The following THSD7B variants were observed in gnomAD, a reference collection of about 807,000 sequenced individuals.
THSD7B encodes the protein thrombospondin type 1 domain containing 7B.
A neutral mutation model predicts 213.6 loss-of-function variants in THSD7B; 138 were observed. The ratio of observed to expected loss-of-function variants is 0.65; its 90% CI spans 0.56 to 0.74. THSD7B has a LOEUF of 0.74. Ranked by LOEUF, THSD7B falls within the 30% of genes least tolerant of loss-of-function variation. The pLI is 0.00. For missense variants in THSD7B, 1,931 were observed against 1,991.5 expected, an observed-to-expected ratio of 0.97 and a Z score of 0.58; for synonymous variants, 742 against 687.0, an observed-to-expected ratio of 1.08 and a Z score of -1.25.
chr2:137,030,600 C>G (rs959613176), intron 2 of THSD7B, among the ~76,000 whole-genome samples: 1 of 152,130 alleles, frequency 6.6e-6, no homozygotes, highest in South Asian at 2.1e-4. Context: ...GGCTGTAGTT[C>G]TTACAAAATG....
In THSD7B at chr2:136,939,172, C is replaced by T. The variant is rs112794246; in HGVS notation, c.139+56855C>T. On this transcript the variant is annotated intron_variant, in intron 2 of 27. Transcript: ENST00000409968. ...GCAGCACTTGCCTGGTTTCTGCATT[C>T]CTGTAGCTGGCCTTGACTTGCTTCA... Among the ~76,000 whole-genome samples the T allele has an allele frequency of 9.9e-4, 150 of 152,160 alleles. 1 individual carries two copies. The Middle Eastern group carries it at 0.014, about 14-fold the overall frequency.
chr2:136,952,464 G>C (rs1323332522), intron 2 of THSD7B, among the ~76,000 whole-genome samples: 1 of 136,884 alleles, frequency 7.3e-6, no homozygotes, highest in Non-Finnish European at 1.5e-5. Context: ...GTGGGTGTAA[G>C]TTAGTGAATC....
chr2:137,235,001 G>A (rs2375457), intron 9 of THSD7B, among the ~76,000 whole-genome samples: 143,710 of 152,216 alleles, frequency 0.94, 67,921 homozygotes, highest in Middle Eastern at 0.98. Context: ...TAGCCATAGC[G>A]GCACATGGAT....
At chr2:137,329,440 A>G (rs1684443697) in intron 12 of THSD7B, among the ~76,000 whole-genome samples, 1 of 152,160 alleles carries the variant, frequency 6.6e-6, no homozygotes, top group Admixed American at 6.5e-5. Context: ...ATCTCAGCTC[A>G]CTGCAACCCC....
intron 14 of THSD7B, among the ~76,000 whole-genome samples, chr2:137,450,623 T>C (rs1687629869): frequency 6.6e-6 from 1 of 152,194 alleles, no homozygotes; most frequent in Non-Finnish European, 1.5e-5. Flanking sequence ...TCCTGTTCCT[T>C]TCATCCCAAA....
Position 136,807,509 on chromosome 2 carries a change from G to GTTTTCTTC in THSD7B, c.-36+41826_-36+41827insCTTCTTTT, listed in dbSNP as rs1553449765. Among the ~76,000 whole-genome samples, 9 of 104,888 alleles carry GTTTTCTTC rather than the reference G, an allele frequency of 8.6e-5. 1 individual carries two copies. The highest frequency in any genetic ancestry group is 3.3e-4 in the South Asian group (1 of 2,998). The allele number at this position is 104,888 out of a possible 152,430, so 68.8% of individuals were successfully genotyped here. On this transcript the variant is annotated intron_variant, in intron 1 of 27. Coordinates refer to ENST00000409968, the MANE Select transcript of THSD7B (RefSeq NM_001316349.2). The stretch of plus-strand genomic sequence containing the variant: ...ACTTCCTAGCACTACAAAATGTTTC[G>GTTTTCTTC]TTTTTTTTTTTTTTTTGAGACGGAG...
At chr2:137,654,602 G>A (rs1683201294) in intron 21 of THSD7B, among the ~76,000 whole-genome samples, 3 of 152,064 alleles carry the variant, frequency 2.0e-5, no homozygotes, top group African/African-American at 4.8e-5. Flanking sequence ...GGGCAGATTC[G>A]GGGGAGGGCT....
chr2:137,547,821 G>A (rs1331606816), intron 15 of THSD7B, among the ~76,000 whole-genome samples: 1 of 151,952 alleles, frequency 6.6e-6, no homozygotes, highest in Non-Finnish European at 1.5e-5. Context: ...GAGTAGGGAA[G>A]GTTTGTTTGC....
rs1681709207 is a variant in THSD7B at position 137,585,732 on chromosome 2, A to G, written c.3423+13176A>G. The stretch of plus-strand genomic sequence containing the variant: ...TTTGTTATAATATCTGTTCTTTTAC[A>G]TTTGCTGAGGAGTGCTTCACTTTCA... On this transcript the variant is annotated intron_variant, in intron 17 of 27. Transcript: ENST00000409968. 2.0e-5 allele frequency among the ~76,000 whole-genome samples: 3 copies of G among 152,040 alleles called. No homozygotes were observed. The South Asian group carries it at 6.2e-4, about 32-fold the overall frequency.
chr2:137,569,359 T>G (rs1023862982), intron 16 of THSD7B, among the ~76,000 whole-genome samples: 1 of 152,206 alleles, frequency 6.6e-6, no homozygotes, highest in Non-Finnish European at 1.5e-5. Flanking sequence ...AACTTTTACT[T>G]AAACCTCTGT....
intron 2 of THSD7B, among the ~76,000 whole-genome samples, chr2:137,019,337 A>G (rs1686399050): frequency 6.6e-6 from 1 of 152,206 alleles, no homozygotes; most frequent in East Asian, 1.9e-4. Context: ...GGTACTCAGT[A>G]TTTATGTGAA....
rs551697894 is a variant in THSD7B, at chr2:137,615,821, TA to T, written c.3424-344del. ...TCACAGGGCAGTTTCTTCCTTTTTT[TA>T]AAAAAAAAAGCATTTAAACATTCAA... On this transcript the variant is annotated intron_variant, in intron 17 of 27. Coordinates refer to ENST00000409968, the MANE Select transcript of THSD7B (RefSeq NM_001316349.2). Among the ~76,000 whole-genome samples, 260 of 149,624 alleles carry T rather than the reference TA, an allele frequency of 1.7e-3. 1 individual carries two copies. Among genetic ancestry groups the T allele is most frequent in the African/African-American group, 3.9e-3 (161 of 40,992 alleles).
At chr2:137,070,634 C>T (rs929155851) in intron 3 of THSD7B, among the ~76,000 whole-genome samples, 2 of 151,656 alleles carry the variant, frequency 1.3e-5, no homozygotes, top group African/African-American at 2.4e-5. Flanking sequence ...CATATGTATA[C>T]ATGTGCCATG....
At chr2:137,070,274 G>A (rs1162567624) in intron 3 of THSD7B, among the ~76,000 whole-genome samples, 1 of 151,508 alleles carries the variant, frequency 6.6e-6, no homozygotes, top group Non-Finnish European at 1.5e-5. Flanking sequence ...AGTTATTCAA[G>A]GTCTTTTTCA....
chr2:137,503,015 G>A (rs1679746009), intron 15 of THSD7B, among the ~76,000 whole-genome samples: 2 of 152,138 alleles, frequency 1.3e-5, no homozygotes, highest in Non-Finnish European at 2.9e-5. Context: ...ACAGTCATAA[G>A]TCTTTCCAAA....
chr2:136,890,416 T>C (rs1485592892), intron 2 of THSD7B, among the ~76,000 whole-genome samples: 1 of 3,294 alleles, frequency 3.0e-4, no homozygotes, highest in Admixed American at 6.9e-3. Flanking sequence ...CCTCTTCTTC[T>C]TCTTCTTCTT....
rs193102825 is a variant in THSD7B, at chr2:137,614,621, A to G, written c.3424-1554A>G. 3.9e-5 allele frequency among the ~76,000 whole-genome samples: 6 copies of G among 152,264 alleles called. No homozygotes were observed. In the East Asian group the frequency reaches 1.2e-3, roughly 29 times the overall value. ...GGTAAAATAGTGATAAATTATTGGT[A>G]AGCATTTAGCATGGAATTCATGTGC... On this transcript the variant is annotated intron_variant, in intron 17 of 27. Coordinates refer to ENST00000409968, the MANE Select transcript of THSD7B (RefSeq NM_001316349.2).
At chr2:137,498,236 C>T (rs1250174053) in intron 15 of THSD7B, among the ~76,000 whole-genome samples, 1 of 152,076 alleles carries the variant, frequency 6.6e-6, no homozygotes, top group Admixed American at 6.6e-5. Context: ...TTGAGCTCCC[C>T]ATCATGTGCC....
intron 12 of THSD7B, among the ~76,000 whole-genome samples, chr2:137,321,302 A>G (rs1489838634): frequency 6.6e-6 from 1 of 152,232 alleles, no homozygotes; most frequent in African/African-American, 2.4e-5. Flanking sequence ...CCCTAGACCT[A>G]AAAAGTGGAT....
Sources: allele counts gnomAD v4.1 joint callset (sites outside exome capture counted in the v4.1 genomes callset), GRCh38; gene constraint gnomAD v4.1.1; transcripts MANE v1.5; gene names NCBI Gene and HGNC (gene_info 2026-07-23, HGNC 2026-07-21).